BACH2: variants seen among roughly 807,000 people sequenced by gnomAD.
BACH2 encodes BACH transcriptional regulator 2.
A neutral mutation model predicts 61.8 loss-of-function variants in BACH2; 5 were observed. The observed-to-expected ratio is 0.08, with a 90% CI of 0.04 to 0.17. The LOEUF (loss-of-function observed/expected upper bound fraction) is 0.17. Among genes scored for constraint, BACH2 ranks in the 10% least tolerant of loss-of-function variants. BACH2 has a pLI of 1.00. For synonymous variants in BACH2, 446 were observed against 440.1 expected, an observed-to-expected ratio of 1.01 and a Z score of -0.17; for missense variants, 824 against 1,091.1, an observed-to-expected ratio of 0.76 and a Z score of 3.45.
intron 4 of BACH2, among the ~76,000 whole-genome samples, chr6:90,125,329 T>C (rs975314079): frequency 6.6e-6 from 1 of 152,234 alleles, no homozygotes; most frequent in Non-Finnish European, 1.5e-5. Flanking sequence ...TTTCAAATGA[T>C]GCCACCTGTC....
intron 5 of BACH2, among the ~76,000 whole-genome samples, chr6:90,032,687 C>G (rs576023354): frequency 6.6e-6 from 1 of 152,242 alleles, no homozygotes; most frequent in African/African-American, 2.4e-5. Flanking sequence ...GAATGGCCAT[C>G]ATTAAAAAGT....
intron 5 of BACH2, chr6:90,080,830 A>G: frequency 5.3e-6 from 5 of 947,148 alleles, no homozygotes; most frequent in Non-Finnish European, 6.3e-6. Flanking sequence ...CATGCCCTGC[A>G]GAGCTAACAC....
intron 4 of BACH2, among the ~76,000 whole-genome samples, chr6:90,144,761 A>G (rs1373403839): frequency 1.3e-5 from 2 of 152,236 alleles, no homozygotes; most frequent in African/African-American, 4.8e-5. Flanking sequence ...TTGGGGAGTT[A>G]GGCTTCCTAT....
intron 7 of BACH2, among the ~76,000 whole-genome samples, chr6:89,942,472 G>C (rs1438838658): frequency 2.0e-5 from 3 of 152,122 alleles, no homozygotes; most frequent in Admixed American, 6.5e-5. Flanking sequence ...GGCCCAGTTG[G>C]GCTTAACATC....
chr6:90,178,902 T>C (rs1396584294), intron 4 of BACH2, among the ~76,000 whole-genome samples: 1 of 152,222 alleles, frequency 6.6e-6, no homozygotes, highest in Non-Finnish European at 1.5e-5. Context: ...AGTGTTAGCC[T>C]GGTTCCGCAG....
chr6:89,999,706 C>T (rs1454072678), intron 6 of BACH2, among the ~76,000 whole-genome samples: 1 of 151,868 alleles, frequency 6.6e-6, no homozygotes, highest in East Asian at 1.9e-4. Context: ...TAAGAGACTC[C>T]ATAATGGGAG....
chr6:89,960,458 T>C (rs557581553), intron 6 of BACH2, among the ~76,000 whole-genome samples: 2 of 152,362 alleles, frequency 1.3e-5, no homozygotes, highest in African/African-American at 4.8e-5. Flanking sequence ...AAACATGTTA[T>C]TGTAAATTTT....
intron 3 of BACH2, among the ~76,000 whole-genome samples, chr6:90,215,290 TC>T: frequency 6.6e-6 from 1 of 152,198 alleles, no homozygotes; most frequent in African/African-American, 2.4e-5. Flanking sequence ...TGGGTTTCCA[TC>T]CCCCTGGTCT....
At chr6:90,203,188 A>G (rs1003676947) in intron 4 of BACH2, among the ~76,000 whole-genome samples, 12 of 151,916 alleles carry the variant, frequency 7.9e-5, no homozygotes, top group Non-Finnish European at 1.5e-4. Flanking sequence ...AGATGGGAGG[A>G]TTGCTTGAGT....
rs190081656 is a variant in BACH2 at position 90,165,827 on chromosome 6, A to G, written c.-162+40742T>C. On this transcript the variant is annotated intron_variant, in intron 4 of 8. Coordinates refer to ENST00000257749, the MANE Select transcript of BACH2 (RefSeq NM_021813.4). Reference sequence around the variant, plus strand: ...TAGGGAAAGGATTCCCTATTTAATAAATGGTGCTGGGAAAACTGGCTAGCC... The same window carrying G: ...TAGGGAAAGGATTCCCTATTTAATAGATGGTGCTGGGAAAACTGGCTAGCC... Among the ~76,000 whole-genome samples the G allele has an allele frequency of 1.1e-3, 163 of 152,324 alleles. 1 individual carries two copies. Among genetic ancestry groups the G allele is most frequent in the Admixed American group, 9.1e-3 (140 of 15,308 alleles).
At chr6:89,938,007 G>A (rs1010487955) in intron 8 of BACH2, 137 bp downstream of exon 8, 1 of 779,232 alleles carries the variant, frequency 1.3e-6, no homozygotes, top group Admixed American at 2.5e-5. Context: ...TATTTCTGTT[G>A]AGAAACTTCT....
intron 6 of BACH2, among the ~76,000 whole-genome samples, chr6:89,957,966 A>G (rs1774518269): frequency 6.6e-6 from 1 of 152,202 alleles, no homozygotes; most frequent in Admixed American, 6.5e-5. Flanking sequence ...CTTTTAGCTA[A>G]AGAAAATCAT....
intron 4 of BACH2, among the ~76,000 whole-genome samples, chr6:90,107,352 CA>C (rs1423328152): frequency 1.3e-5 from 2 of 151,338 alleles, no homozygotes; most frequent in Non-Finnish European, 2.9e-5. Flanking sequence ...AGCCTGGAGA[CA>C]GAGCAAGACT....
intron 6 of BACH2, among the ~76,000 whole-genome samples, chr6:89,978,918 C>T (rs772312566): frequency 9.2e-5 from 14 of 152,196 alleles, no homozygotes; most frequent in Non-Finnish European, 2.1e-4. Context: ...GTGGGAGCAA[C>T]TACCCTTTGT....
chr6:90,292,199 C>T (rs1158029268), intron 1 of BACH2, among the ~76,000 whole-genome samples: 2 of 152,152 alleles, frequency 1.3e-5, no homozygotes, highest in African/African-American at 4.8e-5. Flanking sequence ...AGATTAAGTT[C>T]ATTCCAACAT....
intron 4 of BACH2, among the ~76,000 whole-genome samples, chr6:90,110,408 C>T (rs1484436972): frequency 6.6e-6 from 1 of 152,156 alleles, no homozygotes; most frequent in Non-Finnish European, 1.5e-5. Flanking sequence ...TAACATTACC[C>T]ATTTGGTCAT....
chr6:89,990,798 GCTTA>G (rs1176841722), intron 6 of BACH2, among the ~76,000 whole-genome samples: 4 of 152,118 alleles, frequency 2.6e-5, no homozygotes, highest in Non-Finnish European at 5.9e-5. Context: ...AGGTATTCCT[GCTTA>G]CTGTCTGTCA....
chr6:90,296,198 C>G (rs932314611), intron 1 of BACH2, among the ~76,000 whole-genome samples: 2 of 152,092 alleles, frequency 1.3e-5, no homozygotes, highest in South Asian at 2.1e-4. Flanking sequence ...TCGACGCCAG[C>G]AAAATACAAT....
At chr6:90,209,044 G>A (rs1769249555) in intron 3 of BACH2, among the ~76,000 whole-genome samples, 1 of 146,804 alleles carries the variant, frequency 6.8e-6, no homozygotes, top group South Asian at 2.3e-4. Context: ...CATACACCAG[G>A]GCCTGTCGGG....
Sources: allele counts gnomAD v4.1 joint callset (sites outside exome capture counted in the v4.1 genomes callset), GRCh38; gene constraint gnomAD v4.1.1; transcripts MANE v1.5; gene names NCBI Gene and HGNC (gene_info 2026-07-23, HGNC 2026-07-21).